The following EXT1 variants were observed in gnomAD, a reference collection of about 807,000 sequenced individuals.
EXT1 encodes the protein exostosin glycosyltransferase 1.
In EXT1, 20 loss-of-function variants were observed where a neutral mutation model predicts 82.5. That is an observed-to-expected ratio of 0.24 (90% confidence interval 0.17 to 0.35). The LOEUF (loss-of-function observed/expected upper bound fraction) is 0.35. EXT1 is among the 10% of genes least tolerant of loss of function. The pLI, the probability that EXT1 is intolerant of heterozygous loss-of-function variation, is 1.00. For synonymous variants in EXT1, 348 were observed against 350.8 expected (o/e 0.99, Z 0.09); for missense variants, 757 against 936.5 (o/e 0.81, Z 2.50).
intron 1 of EXT1, among the ~76,000 whole-genome samples, chr8:117,888,688 T>G (rs559030488): frequency 2.0e-5 from 3 of 152,288 alleles, no homozygotes; most frequent in South Asian, 2.1e-4. Flanking sequence ...TACGGTGGAC[T>G]CTCTTGGGAT....
At chr8:117,877,643 C>T (rs1440998731) in intron 1 of EXT1, among the ~76,000 whole-genome samples, 1 of 152,054 alleles carries the variant, frequency 6.6e-6, no homozygotes, top group Non-Finnish European at 1.5e-5. Flanking sequence ...CTAACGATGA[C>T]AAAGCAGAGG....
intron 1 of EXT1, among the ~76,000 whole-genome samples, chr8:118,037,379 CTTTT>C (rs5894410): frequency 7.2e-6 from 1 of 138,970 alleles, no homozygotes; most frequent in African/African-American, 2.7e-5. Context: ...AAAAAGATTC[CTTTT>C]TTTTTTTTTT....
At chr8:118,030,482 T>G (rs966444172) in intron 1 of EXT1, among the ~76,000 whole-genome samples, 10 of 152,076 alleles carry the variant, frequency 6.6e-5, no homozygotes, top group Admixed American at 1.3e-4. Flanking sequence ...AGAGGGTTTT[T>G]TTTGTTTGTT....
At chr8:117,875,458 AAATAAATAAAAT>A (rs1300360843) in intron 1 of EXT1, among the ~76,000 whole-genome samples, 4 of 145,864 alleles carry the variant, frequency 2.7e-5, no homozygotes, top group Middle Eastern at 3.6e-3. Flanking sequence ...ATAAATAAAT[AAATAAATAAAAT>A]AATAAAGGTA....
intron 7 of EXT1, among the ~76,000 whole-genome samples, chr8:117,814,801 C>T (rs1811772313): frequency 6.6e-6 from 1 of 152,082 alleles, no homozygotes. Flanking sequence ...AGGTACCTAG[C>T]CAGCTGCCAG....
chr8:118,044,886 C>T (rs1158514775), intron 1 of EXT1, among the ~76,000 whole-genome samples: 1 of 152,194 alleles, frequency 6.6e-6, no homozygotes, highest in Non-Finnish European at 1.5e-5. Context: ...ATATTGTCTA[C>T]AGCTGCTATC....
chr8:117,923,618 C>T (rs1358729733), intron 1 of EXT1, among the ~76,000 whole-genome samples: 14 of 149,920 alleles, frequency 9.3e-5, no homozygotes, highest in Non-Finnish European at 1.9e-4. Flanking sequence ...CCCAGCTACT[C>T]GGGAGGCTGA....
rs974229555 is a variant in EXT1 at position 117,932,666 on chromosome 8, T to C, written c.963-95465A>G. On this transcript the variant is annotated intron_variant, in intron 1 of 10. Coordinates refer to ENST00000378204, the MANE Select transcript of EXT1 (RefSeq NM_000127.3). ...ATCTTTTGGATTTCCTGAGCCTTCGTTTTAGCACATGACAATTATAGGAAC... is the reference window on the plus strand; with the variant it reads ...ATCTTTTGGATTTCCTGAGCCTTCGCTTTAGCACATGACAATTATAGGAAC... Among the ~76,000 whole-genome samples the C allele has an allele frequency of 4.6e-5, 7 of 152,324 alleles. No homozygotes were observed. The East Asian group carries it at 1.3e-3, about 29-fold the overall frequency.
intron 1 of EXT1, among the ~76,000 whole-genome samples, chr8:118,017,875 C>T (rs1174608144): frequency 6.6e-6 from 1 of 152,158 alleles, no homozygotes. Context: ...CCCAGCACTG[C>T]CAAAAGAATC....
intron 1 of EXT1, among the ~76,000 whole-genome samples, chr8:117,875,673 G>A (rs568836749): frequency 7.9e-5 from 12 of 152,180 alleles, no homozygotes; most frequent in African/African-American, 2.6e-4. Context: ...AAGTTTCTAA[G>A]TAAGCAAAAA....
At chr8:117,850,664 C>G (rs1812437420) in intron 1 of EXT1, among the ~76,000 whole-genome samples, 1 of 152,174 alleles carries the variant, frequency 6.6e-6, no homozygotes, top group Non-Finnish European at 1.5e-5. Context: ...GATAACTATT[C>G]TATAAATCAA....
At chr8:118,013,462 G>T (rs934251144) in intron 1 of EXT1, among the ~76,000 whole-genome samples, 5 of 152,134 alleles carry the variant, frequency 3.3e-5, no homozygotes, top group African/African-American at 1.2e-4. Flanking sequence ...ACCCGCCTCG[G>T]CCTCCCAAAG....
intron 1 of EXT1, among the ~76,000 whole-genome samples, chr8:118,007,020 G>A (rs1815791115): frequency 6.6e-6 from 1 of 152,312 alleles, no homozygotes; most frequent in Non-Finnish European, 1.5e-5. Flanking sequence ...ATGGCTGGCC[G>A]GGCGCGGTGG....
chr8:118,032,355 C>G (rs929405601), intron 1 of EXT1, among the ~76,000 whole-genome samples: 1 of 151,638 alleles, frequency 6.6e-6, no homozygotes, highest in Non-Finnish European at 1.5e-5. Context: ...TCCACAGAGT[C>G]CCCCAGGGGA....
chr8:117,829,386 A>G (rs181616334), intron 4 of EXT1, among the ~76,000 whole-genome samples: 376 of 151,994 alleles, frequency 2.5e-3, no homozygotes, highest in Non-Finnish European at 3.8e-3. Context: ...TCTGTGCCAC[A>G]TGGGTATGAT....
chr8:117,883,851 T>C (rs894811470), intron 1 of EXT1, among the ~76,000 whole-genome samples: 4 of 152,206 alleles, frequency 2.6e-5, no homozygotes, highest in South Asian at 2.1e-4. Context: ...GACTTGAATG[T>C]ACATTTTAAA....
intron 1 of EXT1, among the ~76,000 whole-genome samples, chr8:117,887,086 C>T (rs13266866): frequency 0.48 from 72,370 of 151,942 alleles, 18,221 homozygotes; most frequent in Middle Eastern, 0.61. Context: ...ACAGTTCAAC[C>T]AAGAAAGCTT....
intron 3 of EXT1, among the ~76,000 whole-genome samples, chr8:117,832,620 A>G (rs1462515856): frequency 6.6e-6 from 1 of 152,198 alleles, no homozygotes; most frequent in Non-Finnish European, 1.5e-5. Flanking sequence ...GAAAGGAGAA[A>G]AGGAATATCA....
chr8:117,805,137 T>A (rs778132972), intron 9 of EXT1, among the ~76,000 whole-genome samples: 2 of 152,174 alleles, frequency 1.3e-5, no homozygotes, highest in African/African-American at 2.4e-5. Context: ...CAAGGCAGGT[T>A]CTATTATTAC....
Sources: gnomAD v4.1 joint callset for allele counts (sites outside exome capture counted in the v4.1 genomes callset) on GRCh38, gnomAD v4.1.1 for gene constraint, MANE v1.5 for transcripts, NCBI Gene and HGNC (gene_info 2026-07-23, HGNC 2026-07-21) for gene names.